The following DPP10 variants were observed in gnomAD, a reference collection of about 807,000 sequenced individuals.
DPP10 encodes dipeptidyl peptidase like 10, also known as inactive dipeptidyl peptidase 10.
DPP10 carries 33 observed loss-of-function variants against 120.9 expected under a neutral mutation model. That is an observed-to-expected ratio of 0.27 (90% confidence interval 0.21 to 0.37). DPP10 has a LOEUF of 0.37. Ranked by LOEUF, DPP10 falls within the 10% of genes least tolerant of loss-of-function variation. The pLI, the probability that DPP10 is intolerant of heterozygous loss-of-function variation, is 1.00. For synonymous variants in DPP10, 337 were observed against 326.1 expected (o/e 1.03, Z -0.36); for missense variants, 816 against 942.8 (o/e 0.87, Z 1.76).
At chr2:115,341,068 T>C (rs2063417894) in intron 2 of DPP10, among the ~76,000 whole-genome samples, 1 of 152,084 alleles carries the variant, frequency 6.6e-6, no homozygotes, top group Non-Finnish European at 1.5e-5. Context: ...TCTGAAACCC[T>C]AATAAAATTA....
At chr2:115,120,511 C>T (rs957047395) in intron 1 of DPP10, among the ~76,000 whole-genome samples, 1 of 152,128 alleles carries the variant, frequency 6.6e-6, no homozygotes, top group African/African-American at 2.4e-5. Flanking sequence ...ACAATAAAGT[C>T]TGACCCTTTC....
chr2:115,611,990 A>C (rs536430510), intron 5 of DPP10, among the ~76,000 whole-genome samples: 4 of 152,296 alleles, frequency 2.6e-5, no homozygotes, highest in South Asian at 4.1e-4. Context: ...TGTTAGATTT[A>C]TGATGATTAG....
chr2:115,535,248 C>CT (rs1411979310), intron 5 of DPP10, among the ~76,000 whole-genome samples: 1 of 149,516 alleles, frequency 6.7e-6, no homozygotes, highest in African/African-American at 2.4e-5. Flanking sequence ...GGTTTTAGGT[C>CT]TAACGTTTAA....
At chr2:114,993,705 C>T (rs1480735054) in intron 1 of DPP10, among the ~76,000 whole-genome samples, 1 of 151,166 alleles carries the variant, frequency 6.6e-6, no homozygotes, top group Non-Finnish European at 1.5e-5. Flanking sequence ...CTTGCAAATA[C>T]TTCATTTTCT....
intron 15 of DPP10, among the ~76,000 whole-genome samples, chr2:115,779,802 A>G (rs565865485): frequency 1.1e-4 from 16 of 151,880 alleles, no homozygotes; most frequent in African/African-American, 2.9e-4. Context: ...AAAAATGGCT[A>G]TGGATATTTT....
intron 1 of DPP10, among the ~76,000 whole-genome samples, chr2:114,940,721 A>G (rs1247634772): frequency 1.3e-5 from 2 of 152,150 alleles, no homozygotes; most frequent in Non-Finnish European, 2.9e-5. Flanking sequence ...TCAGGCTTTG[A>G]TAATATAGCA....
chr2:114,470,206 G>C (rs1558786928), intron 1 of DPP10, among the ~76,000 whole-genome samples: 1 of 152,156 alleles, frequency 6.6e-6, no homozygotes, highest in Admixed American at 6.5e-5. Context: ...TAGCCAAAGA[G>C]TGTTGTTGAT....
intron 1 of DPP10, among the ~76,000 whole-genome samples, chr2:115,095,694 A>T (rs1709682305): frequency 6.6e-6 from 1 of 151,354 alleles, no homozygotes; most frequent in Non-Finnish European, 1.5e-5. Flanking sequence ...GAAATTCTGC[A>T]CTTCTAACTG....
At chr2:114,536,408 C>CTTTTT (rs70937287) in intron 1 of DPP10, among the ~76,000 whole-genome samples, 11 of 128,730 alleles carry the variant, frequency 8.5e-5, no homozygotes, top group Non-Finnish European at 9.6e-5. Context: ...TTTTCTTTTT[C>CTTTTT]TTTTTTTTTT....
intron 1 of DPP10, among the ~76,000 whole-genome samples, chr2:114,819,599 T>C (rs1056127448): frequency 6.6e-6 from 1 of 152,248 alleles, no homozygotes; most frequent in Non-Finnish European, 1.5e-5. Flanking sequence ...ATTGCTTGTT[T>C]AAAGCCTGCG....
intron 1 of DPP10, among the ~76,000 whole-genome samples, chr2:114,958,932 A>G (rs1371518491): frequency 6.6e-6 from 1 of 152,134 alleles, no homozygotes; most frequent in South Asian, 2.1e-4. Flanking sequence ...TCACTCTATT[A>G]TTTCTCCCAA....
At chr2:115,100,993 G>T (rs937699710) in intron 1 of DPP10, among the ~76,000 whole-genome samples, 2 of 151,954 alleles carry the variant, frequency 1.3e-5, no homozygotes, top group African/African-American at 4.8e-5. Flanking sequence ...TGTTTTTTAG[G>T]GTCACTTTTA....
At chr2:115,792,270 T>C (rs1684071525) in intron 19 of DPP10, among the ~76,000 whole-genome samples, 1 of 152,118 alleles carries the variant, frequency 6.6e-6, no homozygotes, top group South Asian at 2.1e-4. Flanking sequence ...TTAAGACTGC[T>C]TTGTAGACTG....
intron 21 of DPP10, among the ~76,000 whole-genome samples, chr2:115,821,277 T>C (rs1186905626): frequency 6.6e-6 from 1 of 152,190 alleles, no homozygotes; most frequent in Non-Finnish European, 1.5e-5. Flanking sequence ...GCTATTATTA[T>C]TCAGTTCCTG....
At chr2:114,606,677 T>G (rs1169307965) in intron 1 of DPP10, among the ~76,000 whole-genome samples, 1 of 152,160 alleles carries the variant, frequency 6.6e-6, no homozygotes, top group Non-Finnish European at 1.5e-5. Context: ...CCCCAAAGCC[T>G]TATATCATCA....
At chr2:115,718,863 G>A (rs1282178191) in intron 7 of DPP10, among the ~76,000 whole-genome samples, 1 of 152,086 alleles carries the variant, frequency 6.6e-6, no homozygotes, top group Non-Finnish European at 1.5e-5. Context: ...GGAGAAAGTT[G>A]GGTAGAGAAG....
chr2:114,905,627 T>C (rs1358826024), intron 1 of DPP10, among the ~76,000 whole-genome samples: 1 of 152,160 alleles, frequency 6.6e-6, no homozygotes, highest in Non-Finnish European at 1.5e-5. Context: ...CTCTCCCTTC[T>C]CCCACCCTGC....
chr2:114,668,786 T>C (rs752252711), intron 1 of DPP10, among the ~76,000 whole-genome samples: 2 of 152,178 alleles, frequency 1.3e-5, no homozygotes, highest in Non-Finnish European at 2.9e-5. Context: ...CTCTGTGGAA[T>C]GTTCCCTCCT....
chr2:114,720,401 C>T (rs903287472), intron 1 of DPP10, among the ~76,000 whole-genome samples: 1 of 152,048 alleles, frequency 6.6e-6, no homozygotes, highest in South Asian at 2.1e-4. Context: ...TTTACTGCCA[C>T]GGTTGAAGGA....
Sources: allele counts gnomAD v4.1 joint callset (sites outside exome capture counted in the v4.1 genomes callset), GRCh38; gene constraint gnomAD v4.1.1; transcripts MANE v1.5; gene names NCBI Gene and HGNC (gene_info 2026-07-23, HGNC 2026-07-21).